Variants in CHD1 observed in about 807,000 individuals in gnomAD.
The protein encoded by CHD1 is ATP-dependent chromatin remodeler CHD1.
Under a neutral mutation model 224.2 loss-of-function variants are expected in CHD1, and 36 were observed. The observed-to-expected ratio is 0.16, with a 90% confidence interval of 0.12 to 0.21. CHD1 has a LOEUF of 0.21. Ranked by LOEUF, CHD1 falls within the 10% of genes least tolerant of loss-of-function variation. CHD1 has a pLI of 1.00. For missense variants in CHD1, 1,378 were observed against 1,994.8 expected (o/e 0.69, Z 5.89); for synonymous variants, 668 against 658.3 (o/e 1.01, Z -0.23).
intron 9 of CHD1, 57 bp downstream of exon 9, chr5:98,898,607 T>C: frequency 7.6e-7 from 1 of 1,309,284 alleles, no homozygotes; most frequent in South Asian, 1.3e-5. Context: ...CTTATGACTT[T>C]TTTCAGATTA....
intron 2 of CHD1, among the ~76,000 whole-genome samples, chr5:98,916,668 G>A (rs1454965637): frequency 1.3e-5 from 2 of 148,332 alleles, no homozygotes; most frequent in Admixed American, 6.8e-5. Context: ...AAAATTATTT[G>A]TTATGTGGCA....
chr5:98,874,714 A>C (rs981848268), intron 25 of CHD1, among the ~76,000 whole-genome samples: 9 of 151,112 alleles, frequency 6.0e-5, no homozygotes, highest in Non-Finnish European at 8.8e-5. Context: ...TCCATTTAAA[A>C]AGAAAAAAAA....
intron 2 of CHD1, among the ~76,000 whole-genome samples, chr5:98,905,424 G>A (rs1751986238): frequency 1.3e-5 from 2 of 152,136 alleles, no homozygotes; most frequent in Admixed American, 1.3e-4. Flanking sequence ...TCCTGGGTTA[G>A]AAACTTTGAG....
At position 98,928,570 on chromosome 5, in the gene CHD1, T is replaced by G. The variant is rs1372314068; in HGVS notation, c.-180A>C. On this transcript the variant is annotated 5_prime_UTR_variant, in exon 1 of 36. Transcript: ENST00000614616. ...GCTTGGCGGGGCGGAGGGAGCCGAC[T>G]CGGGTGGACGGCCTCCCCCGCGCCC... is the stretch of plus-strand genomic sequence containing the variant. 2 of 151,186 alleles carry G rather than the reference T, an allele frequency of 1.3e-5. No homozygotes were observed. Among genetic ancestry groups the G allele is most frequent in the South Asian group, 2.1e-4 (1 of 4,816 alleles). 9.4% of individuals were successfully genotyped at this position (151,186 alleles called of 1,614,324 possible). A position where few individuals can be genotyped will look rare whatever the true frequency, so the allele number is the denominator to read the frequency against.
chr5:98,860,106 G>C (rs997940767), intron 32 of CHD1, 38 bp from the exon 33 acceptor site: 1 of 1,167,332 alleles, frequency 8.6e-7, no homozygotes, highest in African/African-American at 1.5e-5. Context: ...AAGTTAGTCT[G>C]GTGGAAAATA....
chr5:98,918,107 G>A (rs1369735191), intron 2 of CHD1, among the ~76,000 whole-genome samples: 1 of 150,700 alleles, frequency 6.6e-6, no homozygotes, highest in Admixed American at 6.6e-5. Flanking sequence ...GCCCAGGCTG[G>A]AGTGCCGTGG....
rs2112541061 is a variant in CHD1, at chr5:98,903,708, T to C, written c.372+84A>G. The C allele has an allele frequency of 4.3e-6, 4 of 936,792 alleles. No individual in the cohort carries two copies. In the South Asian group the frequency reaches 5.2e-5, roughly 12 times the overall value. The allele number at this position is 936,792 out of a possible 1,614,324, so 58.0% of individuals were successfully genotyped here. ...CTACTTATTCTTTCAAAGCACTTAT[T>C]ATTTTTAATAATTTCACAAATACTA... is the stretch of plus-strand genomic sequence containing the variant. On this transcript the variant is annotated intron_variant, in intron 4 of 35. Transcript: ENST00000614616.
chr5:98,889,239 C>CT lies in CHD1; in HGVS notation c.2181-2dup. On this transcript the variant is annotated splice_acceptor_variant, in intron 15 of 35. Coordinates refer to ENST00000614616, the MANE Select transcript of CHD1 (RefSeq NM_001270.4). LOFTEE classifies it high-confidence loss of function. Reference sequence around the variant, plus strand: ...TTTGTAATTCCTAGTTAAAATCCATCTTAAAAAAAAAAATTATGAAAACGA... The same window carrying CT: ...TTTGTAATTCCTAGTTAAAATCCATCTTTAAAAAAAAAAATTATGAAAACGA... 6.5e-7 allele frequency: 1 copy of CT among 1,549,978 alleles called. No homozygotes were observed. The highest frequency in any genetic ancestry group is 1.2e-5 in the South Asian group (1 of 80,400).
chr5:98,866,566 A>G (rs1561483443), intron 31 of CHD1, among the ~76,000 whole-genome samples: 2 of 152,170 alleles, frequency 1.3e-5, no homozygotes, highest in African/African-American at 2.4e-5. Context: ...TCTTTGAAGT[A>G]TAGCATTTGA....
chr5:98,895,372 CTA>C (rs1458589121), intron 12 of CHD1, among the ~76,000 whole-genome samples: 2 of 152,166 alleles, frequency 1.3e-5, no homozygotes, highest in African/African-American at 2.4e-5. Flanking sequence ...CAAAACAAAA[CTA>C]GCAGTAAATT....
At chr5:98,877,808 G>T (rs1466430941) in intron 23 of CHD1, among the ~76,000 whole-genome samples, 1 of 152,092 alleles carries the variant, frequency 6.6e-6, no homozygotes, top group Non-Finnish European at 1.5e-5. Context: ...GTTACTTTCA[G>T]GCCAAAAGCA....
intron 32 of CHD1, 53 bp from the exon 33 acceptor site, chr5:98,860,121 GT>G (rs772547811): frequency 1.2e-5 from 12 of 1,006,394 alleles, no homozygotes; most frequent in East Asian, 4.9e-5. Flanking sequence ...AAAATATTTA[GT>G]TTTTTTCATG....
At chr5:98,875,618 C>T (rs561056728) in intron 24 of CHD1, among the ~76,000 whole-genome samples, 1 of 152,218 alleles carries the variant, frequency 6.6e-6, no homozygotes, top group East Asian at 1.9e-4. Flanking sequence ...AGTCGAAATG[C>T]TTCCTCAACT....
intron 25 of CHD1, among the ~76,000 whole-genome samples, chr5:98,874,103 T>A (rs1162970614): frequency 6.6e-6 from 1 of 152,014 alleles, no homozygotes; most frequent in Non-Finnish European, 1.5e-5. Flanking sequence ...TATGAATGAT[T>A]AATACTCAAG....
intron 2 of CHD1, among the ~76,000 whole-genome samples, chr5:98,907,025 T>C (rs1313111984): frequency 1.3e-5 from 2 of 152,194 alleles, no homozygotes; most frequent in Admixed American, 6.5e-5. Flanking sequence ...GTGGGGGCTA[T>C]TGTGGGCCTG....
At chr5:98,907,229 C>A (rs1752100916) in intron 2 of CHD1, among the ~76,000 whole-genome samples, 1 of 152,094 alleles carries the variant, frequency 6.6e-6, no homozygotes, top group Non-Finnish European at 1.5e-5. Flanking sequence ...AATGTCTTTA[C>A]CTTGGGTATT....
Position 98,863,400 on chromosome 5 carries a change from T to G in CHD1, c.4427+8A>C. On this transcript the variant is annotated splice_region_variant and intron_variant, in intron 32 of 35. Transcript: ENST00000614616. ...AATTTAACACTTCCTGAAAAGTGTA[T>G]CACTTACTTTCTCCATTGCTTAATT... 6.8e-7 allele frequency: 1 copy of G among 1,479,886 alleles called. No individual in the cohort carries two copies. The highest frequency in any genetic ancestry group is 9.1e-7 in the Non-Finnish European group (1 of 1,101,624). 91.7% of individuals were successfully genotyped at this position (1,479,886 alleles called of 1,614,324 possible). A position where few individuals can be genotyped will look rare whatever the true frequency, so the allele number is the denominator to read the frequency against.
chr5:98,888,011 A>G (rs1750765833), intron 17 of CHD1, 77 bp downstream of exon 17: 1 of 945,330 alleles, frequency 1.1e-6, no homozygotes, highest in Admixed American at 2.9e-5. Context: ...CACTTATAAA[A>G]TAATTTCAGT....
chr5:98,891,462 G>A (rs1751014795), intron 15 of CHD1, among the ~76,000 whole-genome samples: 1 of 152,108 alleles, frequency 6.6e-6, no homozygotes. Flanking sequence ...AAAAGGACAG[G>A]TACTGAGGGA....
Sources: gnomAD v4.1 joint callset for allele counts (sites outside exome capture counted in the v4.1 genomes callset) on GRCh38, gnomAD v4.1.1 for gene constraint, MANE v1.5 for transcripts, NCBI Gene and HGNC (gene_info 2026-07-23, HGNC 2026-07-21) for gene names.